LRRC4C: variants seen among roughly 807,000 people sequenced by gnomAD.
LRRC4C encodes leucine-rich repeat-containing protein 4C.
LRRC4C carries 5 observed loss-of-function variants against 33.6 expected under a neutral mutation model. The observed-to-expected ratio is 0.15, with a 90% CI of 0.08 to 0.31. The LOEUF (loss-of-function observed/expected upper bound fraction) is 0.31, where lower values mean the gene tolerates loss of function less well. Among genes scored for constraint, LRRC4C ranks in the 10% least tolerant of loss-of-function variants. The pLI, the probability that LRRC4C is intolerant of heterozygous loss-of-function variation, is 1.00. For synonymous variants in LRRC4C, 329 were observed against 302.0 expected, an observed-to-expected ratio of 1.09 and a Z score of -0.93; for missense variants, 560 against 796.7, an observed-to-expected ratio of 0.70 and a Z score of 3.58.
At chr11:40,184,901 C>G (rs181905779) in intron 5 of LRRC4C, among the ~76,000 whole-genome samples, 2 of 152,358 alleles carry the variant, frequency 1.3e-5, no homozygotes, top group Non-Finnish European at 2.9e-5. Flanking sequence ...TGCCTCCTTT[C>G]TGCTGCGCTT....
chr11:41,252,688 C>T (rs1334853106), intron 1 of LRRC4C, among the ~76,000 whole-genome samples: 4 of 152,146 alleles, frequency 2.6e-5, no homozygotes, highest in African/African-American at 7.2e-5. Context: ...TAAAGACATA[C>T]TTGAGACTGG....
intron 2 of LRRC4C, among the ~76,000 whole-genome samples, chr11:40,921,091 T>A (rs1306912741): frequency 1.3e-5 from 2 of 151,912 alleles, no homozygotes; most frequent in Non-Finnish European, 2.9e-5. Context: ...CAGCTAATTT[T>A]AAAAAAATTT....
At chr11:40,631,503 C>T (rs1185781899) in intron 3 of LRRC4C, among the ~76,000 whole-genome samples, 2 of 151,952 alleles carry the variant, frequency 1.3e-5, no homozygotes, top group Non-Finnish European at 2.9e-5. Flanking sequence ...AAGGCAATTG[C>T]TTTAACCTGC....
intron 2 of LRRC4C, among the ~76,000 whole-genome samples, chr11:40,870,105 T>C (rs1380159097): frequency 1.3e-5 from 2 of 152,082 alleles, no homozygotes; most frequent in African/African-American, 2.4e-5. Flanking sequence ...CTCAAGGAGC[T>C]CCCTATCTCC....
At chr11:41,323,867 A>T (rs1951028841) in intron 1 of LRRC4C, among the ~76,000 whole-genome samples, 1 of 152,252 alleles carries the variant, frequency 6.6e-6, no homozygotes, top group African/African-American at 2.4e-5. Flanking sequence ...TGTATTTTTT[A>T]AATTATATTT....
At chr11:40,493,768 A>G (rs1030306566) in intron 3 of LRRC4C, among the ~76,000 whole-genome samples, 1 of 152,170 alleles carries the variant, frequency 6.6e-6, no homozygotes, top group African/African-American at 2.4e-5. Context: ...CAACCAACTA[A>G]GGTTATTAAG....
chr11:40,790,743 A>C (rs1950591312), intron 2 of LRRC4C, among the ~76,000 whole-genome samples: 2 of 152,372 alleles, frequency 1.3e-5, no homozygotes, highest in Admixed American at 1.3e-4. Context: ...TTATTTAAAT[A>C]GTCCCTGTTG....
intron 1 of LRRC4C, among the ~76,000 whole-genome samples, chr11:41,434,846 A>C (rs1430469109): frequency 2.0e-5 from 3 of 152,178 alleles, no homozygotes; most frequent in Admixed American, 6.6e-5. Flanking sequence ...TACAGCATTT[A>C]TATCATGCTG....
rs1025115263 is a variant in LRRC4C, at chr11:40,548,809, G to A, written c.-270+99333C>T. On this transcript the variant is annotated intron_variant, in intron 3 of 6. Coordinates refer to ENST00000528697, the MANE Select transcript of LRRC4C (RefSeq NM_001258419.2). ...TACAACAACCCTATGTAATAAATAA[G>A]AAAAACGTGAGTAGGCTGCATGAAT... 7.9e-5 allele frequency among the ~76,000 whole-genome samples: 12 copies of A among 152,170 alleles called. No individual in the cohort carries two copies. The East Asian group carries it at 1.2e-3, about 15-fold the overall frequency.
At chr11:40,990,231 T>TTATATATATATATATA (rs761772952) in intron 1 of LRRC4C, among the ~76,000 whole-genome samples, 7 of 78,226 alleles carry the variant, frequency 8.9e-5, no homozygotes, top group Admixed American at 1.6e-4. Flanking sequence ...ATGTCAAGTT[T>TTATATATATATATATA]TATATATATA....
chr11:40,221,940 C>T (rs144746454), intron 5 of LRRC4C, among the ~76,000 whole-genome samples: 58 of 152,218 alleles, frequency 3.8e-4, no homozygotes, highest in Middle Eastern at 3.4e-3. Context: ...TCGTCGATGC[C>T]CTCGGCTGAA....
intron 1 of LRRC4C, among the ~76,000 whole-genome samples, chr11:41,388,987 TA>T (rs1318042160): frequency 6.6e-6 from 1 of 151,882 alleles, no homozygotes; most frequent in Non-Finnish European, 1.5e-5. Context: ...ATTTGGACTC[TA>T]ATGATGTCTA....
intron 1 of LRRC4C, among the ~76,000 whole-genome samples, chr11:41,102,076 C>A (rs1337122838): frequency 1.3e-5 from 2 of 151,904 alleles, no homozygotes; most frequent in Non-Finnish European, 2.9e-5. Context: ...GTACAACAAA[C>A]CCCCGTGACA....
In LRRC4C at chr11:40,349,649, A is replaced by G. The variant is rs117960525; in HGVS notation, c.-269-29928T>C. Among the ~76,000 whole-genome samples the G allele has an allele frequency of 3.4e-3, 511 of 152,250 alleles. 2 individuals are homozygous for G. Among genetic ancestry groups the G allele is most frequent in the Middle Eastern group, 6.8e-3 (2 of 294 alleles). ...TTTTAGTTTATTGAGAAACCTCCAT[A>G]CTGTTATTTATAGTGACTGTACTAA... On this transcript the variant is annotated intron_variant, in intron 3 of 6. Transcript: ENST00000528697.
chr11:41,062,560 T>G (rs1489405657), intron 1 of LRRC4C, among the ~76,000 whole-genome samples: 1 of 152,208 alleles, frequency 6.6e-6, no homozygotes, highest in Non-Finnish European at 1.5e-5. Flanking sequence ...GAAACAACTC[T>G]GCTAGGTAGC....
chr11:41,087,882 A>G (rs995335217), intron 1 of LRRC4C, among the ~76,000 whole-genome samples: 2 of 152,158 alleles, frequency 1.3e-5, no homozygotes, highest in African/African-American at 4.8e-5. Flanking sequence ...AATATTAGCT[A>G]TCAATTATTT....
chr11:40,800,502 C>T (rs1007715876), intron 2 of LRRC4C, among the ~76,000 whole-genome samples: 18 of 152,218 alleles, frequency 1.2e-4, no homozygotes, highest in Non-Finnish European at 4.4e-5. Flanking sequence ...AAAATTTCAA[C>T]TCACAATCAC....
chr11:40,809,632 G>A (rs544568838), intron 2 of LRRC4C, among the ~76,000 whole-genome samples: 4 of 152,026 alleles, frequency 2.6e-5, no homozygotes, highest in Non-Finnish European at 5.9e-5. Flanking sequence ...GGAAAGCAAC[G>A]TATTGTTTGT....
chr11:41,098,086 C>A (rs377383573), intron 1 of LRRC4C, among the ~76,000 whole-genome samples: 1 of 152,008 alleles, frequency 6.6e-6, no homozygotes, highest in South Asian at 2.1e-4. Flanking sequence ...GAAGAGTAAG[C>A]CAAATAACAT....
Sources: allele counts gnomAD v4.1 joint callset (sites outside exome capture counted in the v4.1 genomes callset), GRCh38; gene constraint gnomAD v4.1.1; transcripts MANE v1.5; gene names NCBI Gene and HGNC (gene_info 2026-07-23, HGNC 2026-07-21).